Variants in GPHN observed in about 807,000 individuals in gnomAD.
The protein encoded by GPHN is gephyrin.
GPHN carries 17 observed loss-of-function variants against 95.5 expected under a neutral mutation model. That is an observed-to-expected ratio of 0.18 (90% CI 0.12 to 0.27). The LOEUF (loss-of-function observed/expected upper bound fraction) is 0.27. Ranked by LOEUF, GPHN falls within the 10% of genes least tolerant of loss-of-function variation. GPHN has a pLI of 1.00. For synonymous variants in GPHN, 320 were observed against 322.5 expected (o/e 0.99, Z 0.08); for missense variants, 660 against 978.1 (o/e 0.67, Z 4.34).
the GPHN span, among the ~76,000 whole-genome samples, chr14:67,695,967 T>G: frequency 6.6e-6 from 1 of 152,178 alleles, no homozygotes; most frequent in African/African-American, 2.4e-5. Flanking sequence ...TCTCAGTTAT[T>G]TTTTCTGCCT....
chr14:67,048,943 A>T (rs1374078705), intron 10 of GPHN, among the ~76,000 whole-genome samples: 1 of 152,172 alleles, frequency 6.6e-6, no homozygotes, highest in African/African-American at 2.4e-5. Context: ...GCTTCATAGG[A>T]AACTATTTTT....
At chr14:66,700,885 G>T (rs780267823) in intron 2 of GPHN, among the ~76,000 whole-genome samples, 5 of 151,766 alleles carry the variant, frequency 3.3e-5, no homozygotes, top group African/African-American at 9.7e-5. Flanking sequence ...TTGCACCACT[G>T]CACTCCAGCC....
At chr14:67,572,346 C>A in the GPHN span, 1 of 1,303,234 alleles carries the variant, frequency 7.7e-7, no homozygotes, top group Non-Finnish European at 1.0e-6. Flanking sequence ...GCCCTCAGCA[C>A]AAGACATAGG....
the GPHN span, chr14:67,662,468 T>A: frequency 6.2e-7 from 1 of 1,612,526 alleles, no homozygotes; most frequent in Non-Finnish European, 8.5e-7. Context: ...ATTTGTTCCT[T>A]GTTCTCACCG....
the GPHN span, among the ~76,000 whole-genome samples, chr14:67,606,942 G>A: frequency 3.3e-5 from 5 of 152,096 alleles, no homozygotes; most frequent in Admixed American, 6.6e-5. Context: ...CACCCTGCCC[G>A]GCCAAGAGCC....
chr14:67,473,318 C>A, the GPHN span: 15 of 1,496,846 alleles, frequency 1.0e-5, no homozygotes, highest in Admixed American at 1.2e-4. This position sits in a 1 kb window ranked among gnomAD's most constrained non-coding sequence, Gnocchi z 6.5. Context: ...GAGGCTTGGC[C>A]GGAGCAGGGC....
At chr14:67,058,841 A>T (rs745742237) in intron 11 of GPHN, 55 bp downstream of exon 11, 9 of 1,456,380 alleles carry the variant, frequency 6.2e-6, no homozygotes, top group Non-Finnish European at 4.8e-6. Flanking sequence ...TCCAAATAAG[A>T]TTCATGTAAC....
In GPHN at chr14:66,549,188, G is replaced by A. The variant is rs551645748; in HGVS notation, c.64+40597G>A. On this transcript the variant is annotated intron_variant, in intron 1 of 22. Transcript: ENST00000478722. ...TTTCTTAACTTTTATTTTAGTTTTG[G>A]GGTACATGTACAGATTCATTATATT... Among the ~76,000 whole-genome samples, 17 of 151,800 alleles carry A rather than the reference G, an allele frequency of 1.1e-4. No individual in the cohort carries two copies. The East Asian group carries it at 3.3e-3, about 29-fold the overall frequency.
At chr14:66,949,257 G>C (rs1331890086) in intron 8 of GPHN, among the ~76,000 whole-genome samples, 1 of 152,056 alleles carries the variant, frequency 6.6e-6, no homozygotes, top group East Asian at 1.9e-4. Context: ...GCTGATTTTT[G>C]TATTTTTAGT....
chr14:67,260,632 CAG>C, the GPHN span, among the ~76,000 whole-genome samples: 5 of 151,906 alleles, frequency 3.3e-5, no homozygotes, highest in South Asian at 4.2e-4. Context: ...AAAATCTTAA[CAG>C]ATAAAAAGTT....
At chr14:67,727,091 G>A in the GPHN span, 8 of 1,614,150 alleles carry the variant, frequency 5.0e-6, no homozygotes, top group African/African-American at 2.7e-5. Context: ...TCCCTTCCAC[G>A]ACCTCCAGAG....
intron 4 of GPHN, among the ~76,000 whole-genome samples, chr14:66,877,423 A>G (rs1046423877): frequency 2.6e-5 from 4 of 152,208 alleles, no homozygotes; most frequent in African/African-American, 7.2e-5. Flanking sequence ...AGGGTATTCA[A>G]ATAAGAAGAG....
Position 66,915,984 on chromosome 14 carries a change from A to G in GPHN, c.390-19A>G, listed in dbSNP as rs2153558063. ...ATTCATAGCAATTTAGTGTTCATCT[A>G]CTTTCTCTTTTCTTTCAGGCCTGTA... is the stretch of plus-strand genomic sequence containing the variant. On this transcript the variant is annotated intron_variant, in intron 5 of 22. Coordinates refer to ENST00000478722, the MANE Select transcript of GPHN (RefSeq NM_020806.5). 12 of 1,451,162 alleles carry G rather than the reference A, an allele frequency of 8.3e-6. No homozygotes were observed. The highest frequency in any genetic ancestry group is 1.2e-5 in the Non-Finnish European group (12 of 1,031,116). The allele number at this position is 1,451,162 out of a possible 1,614,324, so 89.9% of individuals were successfully genotyped here.
At chr14:66,650,898 C>T (rs117236280) in intron 1 of GPHN, among the ~76,000 whole-genome samples, 2,151 of 152,168 alleles carry the variant, frequency 0.014, 55 homozygotes, top group Admixed American at 0.057. Flanking sequence ...GCCTACACAC[C>T]CTGTTATCCT....
chr14:67,025,035 A>G (rs1425284072), intron 10 of GPHN, among the ~76,000 whole-genome samples: 1 of 152,092 alleles, frequency 6.6e-6, no homozygotes, highest in East Asian at 1.9e-4. Context: ...TGAACCTCCA[A>G]TTTAGGGTAT....
At position 67,122,428 on chromosome 14, in the gene GPHN, T is replaced by C. The variant is rs1056094428; in HGVS notation, c.1748+51T>C. 3.3e-6 allele frequency: 5 copies of C among 1,520,778 alleles called. No homozygotes were observed. In the African/African-American group the frequency reaches 6.8e-5, roughly 21 times the overall value. The allele number at this position is 1,520,778 out of a possible 1,614,324, so 94.2% of individuals were successfully genotyped here. On this transcript the variant is annotated intron_variant, in intron 17 of 22. Coordinates refer to ENST00000478722, the MANE Select transcript of GPHN (RefSeq NM_020806.5). Reference sequence around the variant, plus strand: ...AGTTTGTATTGTACAAATACGAGTTTTTGGAATACTCATTAGGTGGAGTTG... The same window carrying C: ...AGTTTGTATTGTACAAATACGAGTTCTTGGAATACTCATTAGGTGGAGTTG...
intron 1 of GPHN, among the ~76,000 whole-genome samples, chr14:66,516,525 A>G (rs532444815): frequency 6.1e-4 from 93 of 152,324 alleles, no homozygotes; most frequent in African/African-American, 2.1e-3. Context: ...GTGAGGGTCT[A>G]AAGGCACATA....
the GPHN span, among the ~76,000 whole-genome samples, chr14:67,244,402 C>T: frequency 6.6e-6 from 1 of 152,174 alleles, no homozygotes; most frequent in Admixed American, 6.5e-5. Context: ...ACATTCTTGC[C>T]CACACTGGGC....
intron 5 of GPHN, among the ~76,000 whole-genome samples, chr14:66,915,309 A>G (rs1309513909): frequency 2.0e-5 from 3 of 152,184 alleles, no homozygotes; most frequent in Non-Finnish European, 4.4e-5. Flanking sequence ...TCAGAGTAAC[A>G]CAACCAGTCA....
Sources: allele counts gnomAD v4.1 joint callset (sites outside exome capture counted in the v4.1 genomes callset), GRCh38; gene constraint gnomAD v4.1.1; non-coding constraint Gnocchi (gnomAD v3.1); transcripts MANE v1.5; gene names NCBI Gene and HGNC (gene_info 2026-07-23, HGNC 2026-07-21).